The following MKLN1 variants were observed in gnomAD, a reference collection of about 807,000 sequenced individuals.
MKLN1 encodes muskelin 1, also known as muskelin.
In MKLN1, 18 loss-of-function variants were observed where a neutral mutation model predicts 99.0. The ratio of observed to expected loss-of-function variants is 0.18; its 90% confidence interval spans 0.13 to 0.27. The LOEUF is 0.27. Ranked by LOEUF, MKLN1 falls within the 10% of genes least tolerant of loss-of-function variation. The pLI is 1.00. For missense variants in MKLN1, 621 were observed against 875.9 expected, an observed-to-expected ratio of 0.71 and a Z score of 3.67; for synonymous variants, 288 against 293.2, an observed-to-expected ratio of 0.98 and a Z score of 0.18.
chr7:131,123,787 C>CAA (rs5887494), intron 1 of MKLN1, among the ~76,000 whole-genome samples: 96 of 144,120 alleles, frequency 6.7e-4, no homozygotes, highest in Middle Eastern at 3.5e-3. Flanking sequence ...GACTCTGTCT[C>CAA]AAAAAAAAAA....
intron 1 of MKLN1, among the ~76,000 whole-genome samples, chr7:131,335,614 A>T (rs1012737332): frequency 6.6e-6 from 1 of 151,880 alleles, no homozygotes; most frequent in Non-Finnish European, 1.5e-5. Flanking sequence ...TATCCCACAA[A>T]TTGTGGTATG....
At chr7:131,226,287 A>G (rs1797146395) in intron 3 of MKLN1, among the ~76,000 whole-genome samples, 1 of 152,180 alleles carries the variant, frequency 6.6e-6, no homozygotes, top group Non-Finnish European at 1.5e-5. Flanking sequence ...CCAAGAGAAA[A>G]ATGTAAACAA....
At position 131,135,632 on chromosome 7, in the gene MKLN1, T is replaced by C. The variant is rs914709218; in HGVS notation, c.-418-7188T>C. Among the ~76,000 whole-genome samples, 4 of 152,216 alleles carry C rather than the reference T, an allele frequency of 2.6e-5. No homozygotes were observed. The South Asian group carries it at 8.3e-4, about 32-fold the overall frequency. On this transcript the variant is annotated intron_variant, in intron 1 of 7. Coordinates refer to the MKLN1 transcript ENST00000416992. ...TGTGATGGAAGATAAGGGTAGAAAG[T>C]GTTTTATCAGAAGGGGTGAACATTG...
chr7:131,325,193 ACT>A (rs1798859566), upstream of MKLN1, among the ~76,000 whole-genome samples: 1 of 152,120 alleles, frequency 6.6e-6, no homozygotes, highest in Non-Finnish European at 1.5e-5. Flanking sequence ...GATATGTATG[ACT>A]CTTATCTTCA....
chr7:131,399,457 AG>A, intron 6 of MKLN1, 24 bp downstream of exon 6: 1 of 1,599,042 alleles, frequency 6.3e-7, no homozygotes, highest in Non-Finnish European at 8.6e-7. Flanking sequence ...ATTGGTTATT[AG>A]GGTAAATTCA....
At chr7:131,266,208 G>T (rs992638412) in intron 3 of MKLN1, among the ~76,000 whole-genome samples, 3 of 150,130 alleles carry the variant, frequency 2.0e-5, no homozygotes, top group Non-Finnish European at 3.0e-5. Flanking sequence ...CAAATTGGTT[G>T]TGTGTGTTGT....
chr7:131,410,282 G>A (rs1288623738), intron 6 of MKLN1, among the ~76,000 whole-genome samples: 2 of 152,152 alleles, frequency 1.3e-5, no homozygotes, highest in Admixed American at 6.5e-5. Flanking sequence ...CACCATTTAA[G>A]AGCTGTGTGA....
At chr7:131,193,374 A>ATTC (rs1327677265) in intron 2 of MKLN1, among the ~76,000 whole-genome samples, 1 of 151,944 alleles carries the variant, frequency 6.6e-6, no homozygotes, top group African/African-American at 2.4e-5. Flanking sequence ...TATTATTATT[A>ATTC]TTATTTTTTG....
intron 1 of MKLN1, among the ~76,000 whole-genome samples, chr7:131,115,821 C>A (rs1795268360): frequency 6.6e-6 from 1 of 152,166 alleles, no homozygotes; most frequent in African/African-American, 2.4e-5. Flanking sequence ...TTATATGTCA[C>A]CTCCTCAAAG....
intron 3 of MKLN1, among the ~76,000 whole-genome samples, chr7:131,239,262 A>G (rs1229708327): frequency 6.6e-6 from 1 of 152,084 alleles, no homozygotes; most frequent in Non-Finnish European, 1.5e-5. Context: ...TACATTGTGG[A>G]ATGGCTAAAT....
chr7:131,262,908 AT>A (rs199826235), intron 3 of MKLN1, among the ~76,000 whole-genome samples: 4 of 149,972 alleles, frequency 2.7e-5, no homozygotes, highest in Non-Finnish European at 4.5e-5. Context: ...ACTCACATAC[AT>A]TTTTTTTTCA....
At chr7:131,412,235 G>T (rs912039063) in intron 7 of MKLN1, among the ~76,000 whole-genome samples, 5 of 152,106 alleles carry the variant, frequency 3.3e-5, no homozygotes, top group Non-Finnish European at 5.9e-5. Flanking sequence ...CAGAAGGTTG[G>T]GCAGCTTTTA....
At chr7:131,281,974 A>G (rs1237211500) in intron 3 of MKLN1, among the ~76,000 whole-genome samples, 1 of 151,784 alleles carries the variant, frequency 6.6e-6, no homozygotes, top group Non-Finnish European at 1.5e-5. Context: ...CCACTGCCAC[A>G]TTTCTGAGCC....
At chr7:131,210,020 C>T (rs1352984803) in intron 3 of MKLN1, among the ~76,000 whole-genome samples, 1 of 152,144 alleles carries the variant, frequency 6.6e-6, no homozygotes, top group Non-Finnish European at 1.5e-5. Flanking sequence ...TATTGCCAAA[C>T]ATCTTGTTTA....
chr7:131,118,116 A>G (rs1482477555), intron 1 of MKLN1, among the ~76,000 whole-genome samples: 1 of 152,216 alleles, frequency 6.6e-6, no homozygotes, highest in African/African-American at 2.4e-5. Context: ...CAATTAGGTC[A>G]TAAGAGACCT....
At chr7:131,469,170 G>GTAGA (rs528290747) in intron 15 of MKLN1, among the ~76,000 whole-genome samples, 2 of 152,014 alleles carry the variant, frequency 1.3e-5, no homozygotes, top group African/African-American at 4.8e-5. Flanking sequence ...AGATAGATAG[G>GTAGA]TAGATAGATA....
intron 2 of MKLN1, among the ~76,000 whole-genome samples, chr7:131,178,279 C>CTTTTT (rs35412933): frequency 1.7e-4 from 12 of 72,558 alleles, no homozygotes; most frequent in East Asian, 3.6e-4. Flanking sequence ...ACATGCCCGG[C>CTTTTT]TTTTTTTTTT....
chr7:131,165,913 G>A (rs1043407521), intron 2 of MKLN1, among the ~76,000 whole-genome samples: 1 of 152,150 alleles, frequency 6.6e-6, no homozygotes, highest in Non-Finnish European at 1.5e-5. Flanking sequence ...CCAGGAATTC[G>A]AGACTAGCCG....
chr7:131,340,405 A>G (rs945788163), intron 1 of MKLN1, among the ~76,000 whole-genome samples: 1 of 148,596 alleles, frequency 6.7e-6, no homozygotes, highest in African/African-American at 2.5e-5. Flanking sequence ...AGCCCCCCCA[A>G]GTAGCTGGGA....
Sources: gnomAD v4.1 joint callset for allele counts (sites outside exome capture counted in the v4.1 genomes callset) on GRCh38, gnomAD v4.1.1 for gene constraint, MANE v1.5 for transcripts, NCBI Gene and HGNC (gene_info 2026-07-23, HGNC 2026-07-21) for gene names.